Variants in CFAP57 observed in about 807,000 individuals in gnomAD.
The protein encoded by CFAP57 is cilia and flagella associated protein 57, also known as cilia- and flagella-associated protein 57.
CFAP57 carries 116 observed loss-of-function variants against 146.8 expected under a neutral mutation model. The observed-to-expected ratio is 0.79, with a 90% confidence interval of 0.68 to 0.92. The LOEUF (loss-of-function observed/expected upper bound fraction) is 0.92, where lower values mean the gene tolerates loss of function less well. Ranked by LOEUF, CFAP57 falls within the 40% of genes least tolerant of loss-of-function variation. The pLI is 0.00. For synonymous variants in CFAP57, 518 were observed against 552.8 expected, an observed-to-expected ratio of 0.94 and a Z score of 0.88; for missense variants, 1,377 against 1,527.2, an observed-to-expected ratio of 0.90 and a Z score of 1.64.
At chr1:43,251,575 T>G (rs1167307894) in intron 22 of CFAP57, among the ~76,000 whole-genome samples, 2 of 152,262 alleles carry the variant, frequency 1.3e-5, no homozygotes, top group African/African-American at 4.8e-5. Context: ...TGAGACAGTT[T>G]CATTAGCAAT....
rs768907532 is a variant in CFAP57 at position 43,206,681 on chromosome 1, G to C, written c.1543-39G>C. 4 of 1,609,198 alleles carry C rather than the reference G, an allele frequency of 2.5e-6. No homozygotes were observed. The South Asian group carries it at 4.4e-5, about 18-fold the overall frequency. On this transcript the variant is annotated intron_variant, in intron 9 of 22. Transcript: ENST00000372492. ...CTTTTCTGTGTTAGGGTGTAAGTGTGTGTACACTCTTCACTGGATATGTCT... is the reference window on the plus strand; with the variant it reads ...CTTTTCTGTGTTAGGGTGTAAGTGTCTGTACACTCTTCACTGGATATGTCT...
chr1:43,219,920 C>T (rs1450035993), intron 13 of CFAP57, among the ~76,000 whole-genome samples: 4 of 152,006 alleles, frequency 2.6e-5, no homozygotes, highest in African/African-American at 7.2e-5. Context: ...GATCGCTCCA[C>T]AGCACTCCAA....
intron 19 of CFAP57, 30 bp downstream of exon 19, chr1:43,232,654 TG>T: frequency 6.8e-7 from 1 of 1,475,424 alleles, no homozygotes; most frequent in Non-Finnish European, 9.1e-7. Flanking sequence ...TGGCAGTTCT[TG>T]GATTCGGGAT....
At chr1:43,227,620 G>T (rs1451136199) in intron 18 of CFAP57, among the ~76,000 whole-genome samples, 1 of 152,180 alleles carries the variant, frequency 6.6e-6, no homozygotes, top group Non-Finnish European at 1.5e-5. Context: ...AATATGTTCT[G>T]GGAAGCAAAC....
At chr1:43,210,276 C>T in intron 11 of CFAP57, 3 of 1,449,742 alleles carry the variant, frequency 2.1e-6, no homozygotes, top group Middle Eastern at 2.6e-4. Context: ...GGAGCCATAG[C>T]CCTGAAGATT....
At chr1:43,176,644 A>G (rs1471681007) in intron 2 of CFAP57, among the ~76,000 whole-genome samples, 1 of 152,222 alleles carries the variant, frequency 6.6e-6, no homozygotes, top group African/African-American at 2.4e-5. Flanking sequence ...TGCTGTCCTC[A>G]CAGTGCTTCC....
At chr1:43,253,369 C>G (rs1297543595) in intron 22 of CFAP57, among the ~76,000 whole-genome samples, 2 of 152,186 alleles carry the variant, frequency 1.3e-5, no homozygotes, top group African/African-American at 4.8e-5. Context: ...GGGGAAGCCA[C>G]AGGAGTGGGT....
At chr1:43,246,979 C>T (rs541289395) in intron 22 of CFAP57, among the ~76,000 whole-genome samples, 2 of 152,238 alleles carry the variant, frequency 1.3e-5, no homozygotes, top group South Asian at 4.2e-4. Context: ...ACTTTGTACC[C>T]ATATCACAGT....
intron 2 of CFAP57, among the ~76,000 whole-genome samples, chr1:43,176,200 G>T (rs1235396977): frequency 6.6e-6 from 1 of 152,160 alleles, no homozygotes; most frequent in African/African-American, 2.4e-5. Flanking sequence ...GGTCTTGTCA[G>T]CAGGCTCAAG....
intron 11 of CFAP57, among the ~76,000 whole-genome samples, chr1:43,212,358 T>G (rs1644652310): frequency 6.6e-6 from 1 of 152,192 alleles, no homozygotes; most frequent in Non-Finnish European, 1.5e-5. Flanking sequence ...CTTTTGTCAT[T>G]TTGAGAACTG....
intron 6 of CFAP57, among the ~76,000 whole-genome samples, chr1:43,190,721 G>A (rs1026143263): frequency 5.4e-5 from 8 of 148,702 alleles, no homozygotes; most frequent in Non-Finnish European, 1.0e-4. Flanking sequence ...TTTTTTTCCT[G>A]TGTCTATTGA....
intron 3 of CFAP57, among the ~76,000 whole-genome samples, chr1:43,183,242 C>T (rs1645492134): frequency 6.6e-6 from 1 of 152,178 alleles, no homozygotes; most frequent in South Asian, 2.1e-4. Context: ...TGGTTTCTTT[C>T]CTCTTGGACA....
At chr1:43,209,691 G>A (rs1387204084) in intron 10 of CFAP57, 52 bp from the exon 11 acceptor site, 15 of 1,556,296 alleles carry the variant, frequency 9.6e-6, no homozygotes, top group Admixed American at 5.2e-5. Context: ...GCACTGGGAC[G>A]TGGGGGCCAC....
intron 11 of CFAP57, among the ~76,000 whole-genome samples, chr1:43,212,934 T>TCA (rs1390621112): frequency 6.8e-5 from 1 of 14,782 alleles, no homozygotes; most frequent in Non-Finnish European, 2.3e-4. Flanking sequence ...AGACTCTATC[T>TCA]CAAAAAAAAA....
intron 19 of CFAP57, among the ~76,000 whole-genome samples, chr1:43,233,874 C>T (rs1287208902): frequency 2.0e-5 from 3 of 152,152 alleles, no homozygotes; most frequent in Non-Finnish European, 4.4e-5. Context: ...GACGTGGAAG[C>T]CCTGGCCAGG....
chr1:43,233,278 C>T (rs1029112919), intron 19 of CFAP57, among the ~76,000 whole-genome samples: 3 of 152,150 alleles, frequency 2.0e-5, no homozygotes, highest in African/African-American at 7.2e-5. Context: ...ATCACGAGGT[C>T]AGGAGTTCGA....
chr1:43,185,198 A>T lies in CFAP57; in HGVS notation c.811A>T (p.Met271Leu). 6.2e-7 allele frequency: 1 copy of T among 1,614,102 alleles called. No homozygotes were observed. Among genetic ancestry groups the T allele is most frequent in the Non-Finnish European group, 8.5e-7 (1 of 1,180,026 alleles). ...VSSPLPSYEQ[M>L]VAASSHSQMS... ...TTCTCCACTCCCTTCCTATGAACAG[A>T]TGGTGGCGGCCAGTAGCCATAGCCA... The change falls in exon 5 of 23, where the codon ATG (methionine) becomes TTG (leucine). Residue 271 changes from methionine to leucine, a missense_variant. Transcript: ENST00000372492.
At chr1:43,232,330 G>A (rs1388745108) in intron 18 of CFAP57, among the ~76,000 whole-genome samples, 178 bp from the exon 19 acceptor site, 3 of 152,288 alleles carry the variant, frequency 2.0e-5, no homozygotes, top group South Asian at 4.1e-4. Flanking sequence ...TCTAGGGGTG[G>A]GGAGCTGTTA....
At chr1:43,210,287 G>A in intron 11 of CFAP57, 1 of 1,437,556 alleles carries the variant, frequency 7.0e-7, no homozygotes, top group South Asian at 1.5e-5. Flanking sequence ...CCTGAAGATT[G>A]GCCCCTACCT....
Sources: allele counts gnomAD v4.1 joint callset (sites outside exome capture counted in the v4.1 genomes callset), GRCh38; gene constraint gnomAD v4.1.1; transcripts MANE v1.5; gene names NCBI Gene and HGNC (gene_info 2026-07-23, HGNC 2026-07-21).